Variants in CDON observed in about 807,000 individuals in gnomAD.
The protein encoded by CDON is cell adhesion associated, oncogene regulated.
Under a neutral mutation model 120.9 loss-of-function variants are expected in CDON, and 73 were observed. The observed-to-expected ratio is 0.60, with a 90% CI of 0.50 to 0.73. The LOEUF is 0.73. Among genes scored for constraint, CDON ranks in the 30% least tolerant of loss-of-function variants. CDON has a pLI of 0.00. For missense variants in CDON, 1,470 were observed against 1,587.3 expected, an observed-to-expected ratio of 0.93 and a Z score of 1.26; for synonymous variants, 566 against 573.5, an observed-to-expected ratio of 0.99 and a Z score of 0.19.
At chr11:126,010,228 G>GA (rs1347001149) in intron 8 of CDON, 113 bp downstream of exon 8, 5 of 796,280 alleles carry the variant, frequency 6.3e-6, no homozygotes, top group Middle Eastern at 3.5e-4. Context: ...CTGTCATCAG[G>GA]AAAAAATATA....
intron 14 of CDON, 98 bp from the exon 15 acceptor site, chr11:125,989,857 C>CTGAA: frequency 2.8e-6 from 3 of 1,066,986 alleles, no homozygotes; most frequent in Non-Finnish European, 4.2e-6. Context: ...GAGCAGCATC[C>CTGAA]ACTACCATCC....
At chr11:126,010,778 T>C (rs1947280333) in intron 7 of CDON, 84 bp from the exon 8 acceptor site, 1 of 1,110,680 alleles carries the variant, frequency 9.0e-7, no homozygotes, top group East Asian at 2.5e-5. Context: ...ATCACGTAAA[T>C]GTGGGAGTAA....
At chr11:126,027,950 C>A (rs965625180) in intron 1 of CDON, among the ~76,000 whole-genome samples, 3 of 144,590 alleles carry the variant, frequency 2.1e-5, no homozygotes, top group African/African-American at 7.6e-5. Flanking sequence ...GAATAGAATT[C>A]TGACTTAAAT....
intron 1 of CDON, among the ~76,000 whole-genome samples, chr11:126,044,190 G>T (rs761931258): frequency 1.3e-5 from 2 of 152,218 alleles, no homozygotes; most frequent in Non-Finnish European, 2.9e-5. Flanking sequence ...CAGATCCCAT[G>T]TTAATATGGT....
Position 125,981,334 on chromosome 11 carries a change from TAA to T in CDON, c.2996-7_2996-6del. The T allele has an allele frequency of 1.2e-6, 2 of 1,611,106 alleles. No individual in the cohort carries two copies. Among genetic ancestry groups the T allele is most frequent in the Non-Finnish European group, 1.7e-6 (2 of 1,179,906 alleles). ...GATATCCTGGTGGGTCATATTCTGT[TAA>T]AAGAGAACAAAAAAGACACACACGC... On this transcript the variant is annotated splice_polypyrimidine_tract_variant and splice_region_variant and intron_variant, in intron 16 of 19. Transcript: ENST00000531738.
In CDON at chr11:125,958,747, C is replaced by T. The variant is rs886047961; in HGVS notation, c.*2195G>A. 5.2e-5 allele frequency: 8 copies of T among 152,662 alleles called. No homozygotes were observed. Among genetic ancestry groups the T allele is most frequent in the South Asian group, 2.1e-4 (1 of 4,818 alleles). 9.5% of individuals were successfully genotyped at this position (152,662 alleles called of 1,614,324 possible). A position where few individuals can be genotyped will look rare whatever the true frequency, so the allele number is the denominator to read the frequency against. On this transcript the variant is annotated 3_prime_UTR_variant, in exon 20 of 20. Transcript: ENST00000531738. ...AAAGGTAAAGCCATTTTCTCTTCCT[C>T]GTGGACAGATCCCATATTCAAACTC... is the stretch of plus-strand genomic sequence containing the variant.
At chr11:126,008,288 G>T (rs966595634) in intron 8 of CDON, among the ~76,000 whole-genome samples, 1 of 152,140 alleles carries the variant, frequency 6.6e-6, no homozygotes, top group South Asian at 2.1e-4. Flanking sequence ...CAAATGACTT[G>T]TCAGGATGCT....
intron 14 of CDON, among the ~76,000 whole-genome samples, chr11:125,991,945 T>C (rs1946641423): frequency 6.6e-6 from 1 of 152,184 alleles, no homozygotes; most frequent in Non-Finnish European, 1.5e-5. Context: ...ATATGCATAT[T>C]ACAGAATTTT....
chr11:126,015,689 G>GCA (rs1947445993), intron 6 of CDON, among the ~76,000 whole-genome samples, 179 bp from the exon 7 acceptor site: 2 of 152,142 alleles, frequency 1.3e-5, no homozygotes, highest in South Asian at 4.1e-4. Flanking sequence ...TCCACTAATA[G>GCA]GATAAACCAT....
intron 8 of CDON, 118 bp from the exon 9 acceptor site, chr11:126,006,175 T>C: frequency 1.2e-6 from 1 of 845,176 alleles, no homozygotes; most frequent in Middle Eastern, 2.9e-4. Context: ...CCCCAGAAGT[T>C]AAAACGGGTA....
intron 18 of CDON, among the ~76,000 whole-genome samples, chr11:125,966,872 T>TA (rs555595025): frequency 8.8e-4 from 126 of 143,310 alleles, no homozygotes; most frequent in Admixed American, 2.3e-3. Flanking sequence ...AATTAGAGGT[T>TA]AAAAAAAAAA....
In CDON at chr11:126,003,987, T is replaced by C; in HGVS notation, c.1941A>G (p.Pro647=). 6.2e-7 allele frequency: 1 copy of C among 1,614,106 alleles called. No homozygotes were observed. The highest frequency in any genetic ancestry group is 8.5e-7 in the Non-Finnish European group (1 of 1,180,006). ...CCATCAAGACTTCATAAAGACTAGATGGCTCCAGCTCAGCTAAATGGAGCT... is the reference window on the plus strand; with the variant it reads ...CCATCAAGACTTCATAAAGACTAGACGGCTCCAGCTCAGCTAAATGGAGCT... The part of the protein sequence containing the change: ...ENELHLAELE[P]SSLYEVLMVA... Residue 647 remains proline, a synonymous_variant, in exon 10 of 20, where the codon CCA becomes CCG. Coordinates refer to ENST00000531738, the MANE Select transcript of CDON (RefSeq NM_001378964.1).
intron 18 of CDON, among the ~76,000 whole-genome samples, chr11:125,964,065 T>C (rs771948472): frequency 9.2e-5 from 14 of 152,214 alleles, no homozygotes; most frequent in Non-Finnish European, 1.5e-4. Flanking sequence ...CTTAAAAATG[T>C]CCATGTGATC....
At chr11:126,052,194 G>A (rs1199942797) in intron 1 of CDON, among the ~76,000 whole-genome samples, 1 of 152,098 alleles carries the variant, frequency 6.6e-6, no homozygotes, top group African/African-American at 2.4e-5. Flanking sequence ...CATGATTACT[G>A]CAATTTCTTT....
Position 126,018,417 on chromosome 11 carries a change from C to T in CDON, c.553G>A (p.Asp185Asn), listed in dbSNP as rs1369590570. 6 of 1,612,914 alleles carry T rather than the reference C, an allele frequency of 3.7e-6. No homozygotes were observed. The East Asian group carries it at 1.1e-4, about 30-fold the overall frequency. The part of the protein sequence containing the change: ...NLQILNVSLE[D>N]KGSYKCAAYN... The stretch of plus-strand genomic sequence containing the variant: ...GCTGCACATTTGTATGATCCCTTGT[C>T]CTCTAAGGATACATTCAAAATCTGA... The change falls in exon 5 of 20, where the codon GAC becomes AAC. Residue 185 changes from aspartate to asparagine, a missense_variant. Asp to Asn is a conservative substitution (Grantham distance 23, BLOSUM62 1). Coordinates refer to ENST00000531738, the MANE Select transcript of CDON (RefSeq NM_001378964.1).
rs372360147 is a variant in CDON at position 125,970,999 on chromosome 11, TG to T, written c.3356+7304del. The stretch of plus-strand genomic sequence containing the variant: ...GAGAAGCTGAATGCCTGTTTTCTGC[TG>T]GAAGAAAAAGCTCAGGTGAACTGGA... On this transcript the variant is annotated intron_variant, in intron 18 of 19. Coordinates refer to ENST00000531738, the MANE Select transcript of CDON (RefSeq NM_001378964.1). 4.8e-3 allele frequency among the ~76,000 whole-genome samples: 730 copies of T among 152,296 alleles called. 6 individuals carry two copies. Among genetic ancestry groups the T allele is most frequent in the Middle Eastern group, 0.017 (5 of 294 alleles).
Position 125,983,895 on chromosome 11 carries a change from T to G in CDON, c.2972A>C (p.Asn991Thr). 1 of 1,613,960 alleles carries G rather than the reference T, an allele frequency of 6.2e-7. No homozygotes were observed. Among genetic ancestry groups the G allele is most frequent in the South Asian group, 1.1e-5 (1 of 91,078 alleles). The change falls in exon 16 of 20, where the codon AAT becomes ACT. Residue 991 changes from asparagine (N) to threonine (T), a missense_variant. By Grantham distance (65) the Asn-to-Thr change is moderately conservative. Coordinates refer to ENST00000531738, the MANE Select transcript of CDON (RefSeq NM_001378964.1). ...MVFIAMCLWK[N>T]RQQNTIQKYD... ...ACTTTGTATGGTATTCTGCTGGCGA[T>G]TCTTCCACAGGCACATTGCAATGAA... is the stretch of plus-strand genomic sequence containing the variant.
intron 11 of CDON, among the ~76,000 whole-genome samples, chr11:126,001,320 T>C (rs1946938383): frequency 6.6e-6 from 1 of 152,014 alleles, no homozygotes; most frequent in Non-Finnish European, 1.5e-5. Context: ...CCTGAGTAGC[T>C]GAGACTACAG....
At chr11:126,011,568 G>A (rs1947304035) in intron 7 of CDON, among the ~76,000 whole-genome samples, 1 of 151,980 alleles carries the variant, frequency 6.6e-6, no homozygotes, top group South Asian at 2.1e-4. Flanking sequence ...TTTCTATTGG[G>A]TCATGAATCT....
Sources: allele counts gnomAD v4.1 joint callset (sites outside exome capture counted in the v4.1 genomes callset), GRCh38; gene constraint gnomAD v4.1.1; transcripts MANE v1.5; gene names NCBI Gene and HGNC (gene_info 2026-07-23, HGNC 2026-07-21).